Variants in EXOC6B observed in about 807,000 individuals in gnomAD.
EXOC6B encodes the protein exocyst complex component 6B.
In EXOC6B, 54 loss-of-function variants were observed where a neutral mutation model predicts 113.5. The observed-to-expected ratio is 0.48, with a 90% CI of 0.38 to 0.60. EXOC6B has a LOEUF of 0.60. EXOC6B is among the 20% of genes least tolerant of loss of function. The probability of loss-of-function intolerance (pLI) is 0.00; values close to 1 mark genes in which losing one functional copy is unlikely to be tolerated. For synonymous variants in EXOC6B, 357 were observed against 339.0 expected, an observed-to-expected ratio of 1.05 and a Z score of -0.58; for missense variants, 797 against 977.5, an observed-to-expected ratio of 0.82 and a Z score of 2.46.
At chr2:72,397,492 C>T (rs1264466320) in intron 18 of EXOC6B, among the ~76,000 whole-genome samples, 2 of 151,140 alleles carry the variant, frequency 1.3e-5, no homozygotes, top group East Asian at 1.9e-4. Context: ...TGGTGGCATG[C>T]GTCTATAGTC....
intron 20 of EXOC6B, chr2:72,289,115 G>T: frequency 3.6e-6 from 1 of 280,008 alleles, no homozygotes; most frequent in Non-Finnish European, 6.8e-6. Context: ...TCTTTTTCTA[G>T]AGATGTAATA....
chr2:72,740,143 C>T (rs1681211156), intron 2 of EXOC6B, among the ~76,000 whole-genome samples: 1 of 152,000 alleles, frequency 6.6e-6, no homozygotes, highest in Non-Finnish European at 1.5e-5. Flanking sequence ...ATTATTATAG[C>T]TTTAGAATAC....
chr2:72,681,337 C>T (rs1050242645), intron 6 of EXOC6B, among the ~76,000 whole-genome samples: 63 of 152,230 alleles, frequency 4.1e-4, no homozygotes, highest in African/African-American at 1.5e-3. Flanking sequence ...CCGCTGTGAG[C>T]ACACCAAAAC....
chr2:72,282,133 G>A (rs1685164801), intron 20 of EXOC6B, among the ~76,000 whole-genome samples: 1 of 151,980 alleles, frequency 6.6e-6, no homozygotes. Context: ...ACATCTGTAG[G>A]CCTACACTAA....
chr2:72,338,464 G>A (rs1438396830), intron 19 of EXOC6B, among the ~76,000 whole-genome samples: 1 of 152,022 alleles, frequency 6.6e-6, no homozygotes, highest in African/African-American at 2.4e-5. Flanking sequence ...AGTTGGCATT[G>A]CAAACTTATT....
chr2:72,250,345 T>C (rs772043955), intron 20 of EXOC6B, among the ~76,000 whole-genome samples: 6 of 152,092 alleles, frequency 3.9e-5, no homozygotes, highest in Non-Finnish European at 8.8e-5. Flanking sequence ...TAAATTATAA[T>C]TTAATTTAAT....
intron 20 of EXOC6B, among the ~76,000 whole-genome samples, chr2:72,249,122 C>T (rs546187552): frequency 6.6e-6 from 1 of 152,204 alleles, no homozygotes; most frequent in South Asian, 2.1e-4. Context: ...TAAAATTAGC[C>T]AGGCATGGTG....
At chr2:72,292,670 T>C (rs1685878508) in intron 20 of EXOC6B, among the ~76,000 whole-genome samples, 1 of 152,184 alleles carries the variant, frequency 6.6e-6, no homozygotes, top group Non-Finnish European at 1.5e-5. Context: ...TTTGTTTTAC[T>C]TACTACTAGT....
intron 19 of EXOC6B, among the ~76,000 whole-genome samples, chr2:72,376,819 T>G (rs1490605835): frequency 6.6e-6 from 1 of 152,196 alleles, no homozygotes; most frequent in Non-Finnish European, 1.5e-5. Context: ...GCTGTAAAAC[T>G]GTGTATGCTA....
intron 20 of EXOC6B, among the ~76,000 whole-genome samples, chr2:72,282,501 G>T (rs1453317568): frequency 6.7e-6 from 1 of 149,538 alleles, no homozygotes; most frequent in Non-Finnish European, 1.5e-5. Context: ...GGAGGAAAAA[G>T]TTAAAAAAAA....
chr2:72,212,160 G>A (rs1680236326), intron 20 of EXOC6B, among the ~76,000 whole-genome samples: 1 of 152,216 alleles, frequency 6.6e-6, no homozygotes, highest in African/African-American at 2.4e-5. Flanking sequence ...GTTGGTGCCT[G>A]TCTCTGTAGG....
At chr2:72,290,565 T>A (rs1428043856) in intron 20 of EXOC6B, among the ~76,000 whole-genome samples, 1 of 152,134 alleles carries the variant, frequency 6.6e-6, no homozygotes, top group Non-Finnish European at 1.5e-5. Flanking sequence ...ATAAAATGTT[T>A]GTATTCATAT....
At chr2:72,708,302 T>C (rs1307283715) in intron 6 of EXOC6B, among the ~76,000 whole-genome samples, 2 of 152,214 alleles carry the variant, frequency 1.3e-5, no homozygotes, top group Non-Finnish European at 2.9e-5. Context: ...CAAAATATTA[T>C]TAAAACACTC....
At chr2:72,785,187 T>C (rs1684300878) in intron 1 of EXOC6B, among the ~76,000 whole-genome samples, 1 of 152,248 alleles carries the variant, frequency 6.6e-6, no homozygotes, top group Admixed American at 6.5e-5. Flanking sequence ...CTTGGACAGC[T>C]CTGCCCCTGT....
At chr2:72,463,679 G>A (rs1697854059) in intron 18 of EXOC6B, 2 of 152,270 alleles carry the variant, frequency 1.3e-5, no homozygotes, top group East Asian at 1.9e-4. Flanking sequence ...AAGGGTTTAA[G>A]CCAAAATCTT....
intron 6 of EXOC6B, among the ~76,000 whole-genome samples, chr2:72,671,757 A>G (rs79603803): frequency 9.3e-4 from 9 of 9,646 alleles, no homozygotes; most frequent in African/African-American, 2.8e-3. Context: ...CAGAGAAAGA[A>G]AGAAAGAAAG....
At chr2:72,300,414 G>A (rs1307824823) in intron 20 of EXOC6B, among the ~76,000 whole-genome samples, 2 of 152,222 alleles carry the variant, frequency 1.3e-5, no homozygotes, top group African/African-American at 4.8e-5. Context: ...AGACTGCTGT[G>A]CTAGCAGCAA....
Position 72,718,256 on chromosome 2 carries a change from A to G in EXOC6B, c.516T>C (p.Pro172=). Residue 172 remains proline (P), a synonymous_variant, in exon 6 of 22, where the codon CCT becomes CCC. Transcript: ENST00000272427. ...TLEHLEHTYL[P]QVSHYRFCKV... Reference sequence around the variant, plus strand: ...TGCAGAATCGATAGTGGCTTACTTGAGGCAGGTAGGTATGCTCTAGATGTT... The same window carrying G: ...TGCAGAATCGATAGTGGCTTACTTGGGGCAGGTAGGTATGCTCTAGATGTT... 1 of 1,613,846 alleles carries G rather than the reference A, an allele frequency of 6.2e-7. No individual in the cohort carries two copies. The highest frequency in any genetic ancestry group is 1.3e-5 in the African/African-American group (1 of 75,038).
At chr2:72,317,143 A>T (rs1687561158) in intron 20 of EXOC6B, among the ~76,000 whole-genome samples, 1 of 147,018 alleles carries the variant, frequency 6.8e-6, no homozygotes, top group Non-Finnish European at 1.5e-5. Context: ...TGCTACCATG[A>T]TAATTGTGGT....
Sources: gnomAD v4.1 joint callset for allele counts (sites outside exome capture counted in the v4.1 genomes callset) on GRCh38, gnomAD v4.1.1 for gene constraint, MANE v1.5 for transcripts, NCBI Gene and HGNC (gene_info 2026-07-23, HGNC 2026-07-21) for gene names.